Variants in MALRD1 observed in about 807,000 individuals in gnomAD.
MALRD1 encodes MAM and LDL-receptor class A domain-containing protein 1.
In MALRD1, 247 loss-of-function variants were observed where a neutral mutation model predicts 242.1. That is an observed-to-expected ratio of 1.02 (90% CI 0.92 to 1.13). The LOEUF (loss-of-function observed/expected upper bound fraction) is 1.13, where lower values mean the gene tolerates loss of function less well. Ranked by LOEUF, MALRD1 falls within the 50% of genes most tolerant of loss-of-function variation. The pLI is 0.00. For synonymous variants in MALRD1, 995 were observed against 866.6 expected, an observed-to-expected ratio of 1.15 and a Z score of -2.60; for missense variants, 2,989 against 2,533.1, an observed-to-expected ratio of 1.18 and a Z score of -3.86.
chr10:19,267,430 T>C (rs886066902), intron 19 of MALRD1, among the ~76,000 whole-genome samples: 1 of 151,862 alleles, frequency 6.6e-6, no homozygotes, highest in African/African-American at 2.4e-5. Context: ...ACACATTAAA[T>C]GTGTTGTTTT....
At chr10:19,178,168 G>A (rs1835340575) in intron 14 of MALRD1, among the ~76,000 whole-genome samples, 1 of 152,100 alleles carries the variant, frequency 6.6e-6, no homozygotes, top group Admixed American at 6.5e-5. Flanking sequence ...CAGGATTCAT[G>A]GATATGTGCA....
intron 29 of MALRD1, chr10:19,488,985 C>A (rs1401320848): frequency 2.2e-6 from 1 of 445,472 alleles, no homozygotes; most frequent in Admixed American, 2.4e-5. Flanking sequence ...AGGCGGGCTC[C>A]CAATCCGGTT....
chr10:19,509,456 A>G (rs1398800451), intron 31 of MALRD1, among the ~76,000 whole-genome samples: 1 of 152,272 alleles, frequency 6.6e-6, no homozygotes, highest in Non-Finnish European at 1.5e-5. Flanking sequence ...TAGGAACTCA[A>G]AGTACAAAGA....
intron 33 of MALRD1, among the ~76,000 whole-genome samples, chr10:19,575,230 A>G (rs1317017752): frequency 6.6e-6 from 1 of 152,208 alleles, no homozygotes; most frequent in Non-Finnish European, 1.5e-5. Context: ...AGGACCAACT[A>G]TTGGTATAAG....
At chr10:19,116,784 C>A (rs1468777870) in intron 5 of MALRD1, among the ~76,000 whole-genome samples, 1 of 151,954 alleles carries the variant, frequency 6.6e-6, no homozygotes, top group Non-Finnish European at 1.5e-5. Flanking sequence ...GATTGTGGTA[C>A]AAAGTAAGAA....
Position 19,595,257 on chromosome 10 carries a change from A to G in MALRD1, c.5744A>G (p.Gln1915Arg), listed in dbSNP as rs1838023777. 6.4e-7 allele frequency: 1 copy of G among 1,550,568 alleles called. No individual in the cohort carries two copies. The highest frequency in any genetic ancestry group is 8.7e-7 in the Non-Finnish European group (1 of 1,146,930). Residue 1915 changes from glutamine (Q) to arginine (R), a missense_variant, in exon 34 of 40, where the codon CAA becomes CGA. Transcript: ENST00000454679. Reference sequence around the variant, plus strand: ...CAGTTTTCTTGTATCTACACACTCCAATGTGTCCCTCTCTCAGGGAAATGT... The same window carrying G: ...CAGTTTTCTTGTATCTACACACTCCGATGTGTCCCTCTCTCAGGGAAATGT... The part of the protein sequence containing the change: ...ADQFSCIYTL[Q>R]CVPLSGKCDG...
intron 9 of MALRD1, among the ~76,000 whole-genome samples, chr10:19,135,428 A>T (rs1375464055): frequency 1.3e-5 from 2 of 152,170 alleles, no homozygotes; most frequent in Non-Finnish European, 2.9e-5. Context: ...TGCTGGGATT[A>T]CAGGTGTGGG....
intron 22 of MALRD1, among the ~76,000 whole-genome samples, chr10:19,326,495 T>G (rs1228713304): frequency 6.6e-6 from 1 of 152,100 alleles, no homozygotes; most frequent in African/African-American, 2.4e-5. Flanking sequence ...TTGTATATAG[T>G]GTGGTATTAA....
At chr10:19,481,058 C>A (rs1836974710) in intron 29 of MALRD1, among the ~76,000 whole-genome samples, 1 of 152,098 alleles carries the variant, frequency 6.6e-6, no homozygotes, top group Non-Finnish European at 1.5e-5. Context: ...ACCAAGTATA[C>A]ATACAGTTTA....
intron 38 of MALRD1, among the ~76,000 whole-genome samples, chr10:19,696,181 A>C (rs1307556086): frequency 6.6e-6 from 1 of 152,182 alleles, no homozygotes; most frequent in Non-Finnish European, 1.5e-5. Flanking sequence ...CAAGACTCAG[A>C]GACCCTGCCA....
intron 28 of MALRD1, among the ~76,000 whole-genome samples, chr10:19,446,151 A>T (rs1855151): frequency 6.6e-6 from 1 of 151,812 alleles, no homozygotes; most frequent in Non-Finnish European, 1.5e-5. Flanking sequence ...CAGTATTAGC[A>T]TGGGAGTGTC....
chr10:19,184,250 C>T (rs1400613113), intron 14 of MALRD1, among the ~76,000 whole-genome samples: 2 of 152,180 alleles, frequency 1.3e-5, no homozygotes, highest in Admixed American at 6.5e-5. Flanking sequence ...ATGATCTGCA[C>T]ATCTTAGCTC....
chr10:19,050,188 C>T (rs1443826019), intron 1 of MALRD1, among the ~76,000 whole-genome samples: 2 of 147,090 alleles, frequency 1.4e-5, no homozygotes, highest in African/African-American at 5.0e-5. Flanking sequence ...CCCGGGTTCA[C>T]GCCATTCTCC....
At chr10:19,440,036 A>G (rs1347701929) in intron 28 of MALRD1, among the ~76,000 whole-genome samples, 1 of 152,190 alleles carries the variant, frequency 6.6e-6, no homozygotes, top group East Asian at 1.9e-4. Flanking sequence ...GGGCGTACTC[A>G]TCACACTTTA....
intron 14 of MALRD1, among the ~76,000 whole-genome samples, chr10:19,177,261 C>T (rs1489577638): frequency 7.4e-6 from 1 of 134,850 alleles, no homozygotes; most frequent in Non-Finnish European, 1.6e-5. Flanking sequence ...GCCTGGGTGA[C>T]AGAGCAAGAT....
At chr10:19,476,717 G>A (rs528772385) in intron 29 of MALRD1, among the ~76,000 whole-genome samples, 1 of 152,230 alleles carries the variant, frequency 6.6e-6, no homozygotes, top group East Asian at 1.9e-4. Flanking sequence ...TTCATTTTGT[G>A]TTTACTTTGG....
At chr10:19,673,625 A>G (rs1007667578) in intron 36 of MALRD1, among the ~76,000 whole-genome samples, 1 of 152,138 alleles carries the variant, frequency 6.6e-6, no homozygotes, top group Admixed American at 6.6e-5. Flanking sequence ...CCAAATGTAT[A>G]GCATGAAGAT....
chr10:19,596,739 A>AAAAAGAAAAGAAAAG (rs10699326), intron 34 of MALRD1, among the ~76,000 whole-genome samples: 2 of 147,504 alleles, frequency 1.4e-5, no homozygotes, highest in Admixed American at 6.8e-5. Context: ...ACTCTGTCTC[A>AAAAAGAAAAGAAAAG]AAAAGAAAAG....
chr10:19,177,172 A>G (rs1280268880), intron 14 of MALRD1, among the ~76,000 whole-genome samples: 1 of 151,048 alleles, frequency 6.6e-6, no homozygotes, highest in African/African-American at 2.4e-5. Context: ...CCCAGCTACT[A>G]GGGAGGCTGA....
Sources: gnomAD v4.1 joint callset for allele counts (sites outside exome capture counted in the v4.1 genomes callset) on GRCh38, gnomAD v4.1.1 for gene constraint, MANE v1.5 for transcripts, NCBI Gene and HGNC (gene_info 2026-07-23, HGNC 2026-07-21) for gene names.